Variants in LMTK2 observed in about 807,000 individuals in gnomAD.
The protein encoded by LMTK2 is serine/threonine-protein kinase LMTK2.
A neutral mutation model predicts 127.5 loss-of-function variants in LMTK2; 37 were observed. That is an observed-to-expected ratio of 0.29 (90% CI 0.22 to 0.38). The LOEUF (loss-of-function observed/expected upper bound fraction) is 0.38. Ranked by LOEUF, LMTK2 falls within the 10% of genes least tolerant of loss-of-function variation. LMTK2 has a pLI of 1.00. For missense variants in LMTK2, 1,694 were observed against 1,920.3 expected (o/e 0.88, Z 2.20); for synonymous variants, 819 against 810.1 (o/e 1.01, Z -0.19).
At chr7:98,186,723 T>G (rs1009649142) in intron 8 of LMTK2, among the ~76,000 whole-genome samples, 154 bp from the exon 9 acceptor site, 5 of 152,210 alleles carry the variant, frequency 3.3e-5, no homozygotes, top group Non-Finnish European at 7.3e-5. Flanking sequence ...CTTACCCACT[T>G]TCTGCCCAGA....
In LMTK2 at chr7:98,112,682, T is replaced by C. The variant is rs1266705453; in HGVS notation, c.103+5402T>C. Reference sequence around the variant, plus strand: ...GTAAGGCCAGCTGTGATTATAATTATGATCATGATCCTGATTCTTCGTGAA... The same window carrying C: ...GTAAGGCCAGCTGTGATTATAATTACGATCATGATCCTGATTCTTCGTGAA... On this transcript the variant is annotated intron_variant, in intron 1 of 13. Coordinates refer to ENST00000297293, the MANE Select transcript of LMTK2 (RefSeq NM_014916.4). Among the ~76,000 whole-genome samples, 21 of 152,182 alleles carry C rather than the reference T, an allele frequency of 1.4e-4. 1 individual carries two copies.
chr7:98,120,720 C>T (rs1011922825), intron 1 of LMTK2, among the ~76,000 whole-genome samples: 1 of 152,162 alleles, frequency 6.6e-6, no homozygotes, highest in Non-Finnish European at 1.5e-5. Flanking sequence ...TAGGCAGCAG[C>T]GGTTGCTTCC....
At position 98,185,675 on chromosome 7, in the gene LMTK2, C is replaced by G. The variant is rs566134219; in HGVS notation, c.876+540C>G. Among the ~76,000 whole-genome samples the G allele has an allele frequency of 3.3e-5, 5 of 152,022 alleles. No homozygotes were observed. The South Asian group carries it at 8.3e-4, about 25-fold the overall frequency. On this transcript the variant is annotated intron_variant, in intron 8 of 13. Coordinates refer to ENST00000297293, the MANE Select transcript of LMTK2 (RefSeq NM_014916.4). ...GGGGCAGAGAATGGGACTGTCCCAG[C>G]TCCGGGCTGTCAGGAGACCTCGGAT...
intron 3 of LMTK2, among the ~76,000 whole-genome samples, chr7:98,148,124 A>G (rs1178365457): frequency 6.6e-6 from 1 of 152,066 alleles, no homozygotes; most frequent in Admixed American, 6.6e-5. Context: ...TGAACCCAAG[A>G]GGCAGAGGTT....
Position 98,194,590 on chromosome 7 carries a change from A to G in LMTK2, c.4107+18A>G. ...TTGACCAGGTATCTGTTCCCTCTAA[A>G]TCATTTTCTATACACATCCATATAA... On this transcript the variant is annotated intron_variant, in intron 11 of 13. Transcript: ENST00000297293. The surrounding 1 kb of genome is among the most constrained non-coding windows in gnomAD (Gnocchi z 5.4). 6.3e-7 allele frequency: 1 copy of G among 1,579,750 alleles called. No individual in the cohort carries two copies. The highest frequency in any genetic ancestry group is 8.6e-7 in the Non-Finnish European group (1 of 1,167,300).
intron 7 of LMTK2, among the ~76,000 whole-genome samples, chr7:98,180,770 A>G (rs1797343177): frequency 6.6e-6 from 1 of 152,224 alleles, no homozygotes; most frequent in Admixed American, 6.5e-5. Flanking sequence ...CTTATAACAG[A>G]CTATTACTAG....
chr7:98,135,071 T>C (rs889378458), intron 1 of LMTK2, among the ~76,000 whole-genome samples: 6 of 152,218 alleles, frequency 3.9e-5, no homozygotes, highest in Non-Finnish European at 8.8e-5. Context: ...CAAAGGGACC[T>C]TTTGTTATTG....
intron 6 of LMTK2, among the ~76,000 whole-genome samples, chr7:98,164,832 C>T (rs1042581019): frequency 1.3e-4 from 20 of 152,238 alleles, no homozygotes; most frequent in African/African-American, 4.8e-4. Context: ...ACCTTTGCCA[C>T]ATCCTAGTCT....
At chr7:98,145,245 A>G (rs972191066) in intron 3 of LMTK2, among the ~76,000 whole-genome samples, 2 of 148,214 alleles carry the variant, frequency 1.3e-5, no homozygotes, top group Non-Finnish European at 3.0e-5. Context: ...ATTTACAGAA[A>G]GGGAAATGAA....
intron 11 of LMTK2, among the ~76,000 whole-genome samples, chr7:98,197,670 A>G (rs1797646114): frequency 6.6e-6 from 1 of 152,124 alleles, no homozygotes. Flanking sequence ...TAGGCAGCAT[A>G]ATAAGAACCG....
chr7:98,114,418 T>G (rs866620467), intron 1 of LMTK2, among the ~76,000 whole-genome samples: 7 of 151,972 alleles, frequency 4.6e-5, no homozygotes, highest in African/African-American at 1.2e-4. Context: ...GTAAAACATA[T>G]TTTTTCTATA....
At chr7:98,134,135 A>G (rs2116353459) in intron 1 of LMTK2, among the ~76,000 whole-genome samples, 1 of 152,302 alleles carries the variant, frequency 6.6e-6, no homozygotes, top group South Asian at 2.1e-4. Context: ...CCACTGTCCC[A>G]CCTGGGTTCA....
chr7:98,199,097 G>A (rs1344436065), intron 11 of LMTK2, among the ~76,000 whole-genome samples: 1 of 152,008 alleles, frequency 6.6e-6, no homozygotes, highest in Non-Finnish European at 1.5e-5. Context: ...TGGTTTCAAT[G>A]CTTTTAAATT....
At chr7:98,148,986 C>T (rs182033761) in intron 3 of LMTK2, among the ~76,000 whole-genome samples, 57 of 152,328 alleles carry the variant, frequency 3.7e-4, no homozygotes, top group Admixed American at 1.6e-3. Context: ...GCTTTTCTGC[C>T]AAAACTTTCA....
intron 6 of LMTK2, among the ~76,000 whole-genome samples, chr7:98,162,170 G>T (rs905701654): frequency 1.3e-5 from 2 of 152,096 alleles, no homozygotes; most frequent in Non-Finnish European, 2.9e-5. Context: ...CTATTTTAAT[G>T]TATTTTTTAT....
chr7:98,203,903 C>T lies in LMTK2; in HGVS notation c.4241-41C>T, dbSNP rs73406037. ...CAGAGGCTCCCCCTCTCCCTCATCA[C>T]GCAGTGATAAAAAGGGTGGGGTTTT... On this transcript the variant is annotated intron_variant, in intron 12 of 13. Coordinates refer to ENST00000297293, the MANE Select transcript of LMTK2 (RefSeq NM_014916.4). 1,864 of 1,608,690 alleles carry T rather than the reference C, an allele frequency of 1.2e-3. 25 individuals are homozygous for T. The African/African-American group carries it at 0.023, about 20-fold the overall frequency.
At chr7:98,159,027 C>T (rs910262033) in intron 5 of LMTK2, among the ~76,000 whole-genome samples, 2 of 152,004 alleles carry the variant, frequency 1.3e-5, no homozygotes, top group Non-Finnish European at 2.9e-5. Flanking sequence ...CACTGCACTC[C>T]AGCCAGGGTG....
intron 9 of LMTK2, 138 bp from the exon 10 acceptor site, chr7:98,190,590 C>A (rs1797507961): frequency 1.2e-6 from 1 of 863,396 alleles, no homozygotes; most frequent in Non-Finnish European, 1.9e-6. Context: ...AAAACAACAA[C>A]AACAACAACA....
intron 6 of LMTK2, among the ~76,000 whole-genome samples, chr7:98,168,910 A>G (rs1390251305): frequency 1.3e-5 from 2 of 152,180 alleles, no homozygotes; most frequent in Non-Finnish European, 2.9e-5. Context: ...ATACATTGCT[A>G]TTCTTGGTGA....
Sources: allele counts gnomAD v4.1 joint callset (sites outside exome capture counted in the v4.1 genomes callset), GRCh38; gene constraint gnomAD v4.1.1; non-coding constraint Gnocchi (gnomAD v3.1); transcripts MANE v1.5; gene names NCBI Gene and HGNC (gene_info 2026-07-23, HGNC 2026-07-21).